Variants in CAPN14 observed in about 807,000 individuals in gnomAD.
The protein encoded by CAPN14 is calpain-14.
In CAPN14, 94 loss-of-function variants were observed where a neutral mutation model predicts 101.3. The observed-to-expected ratio is 0.93, with a 90% CI of 0.79 to 1.10. CAPN14 has a LOEUF of 1.10. Among genes scored for constraint, CAPN14 ranks in the 50% least tolerant of loss-of-function variants. The probability of loss-of-function intolerance (pLI) is 0.00; values close to 1 mark genes in which losing one functional copy is unlikely to be tolerated. For synonymous variants in CAPN14, 338 were observed against 317.9 expected, an observed-to-expected ratio of 1.06 and a Z score of -0.67; for missense variants, 837 against 828.4, an observed-to-expected ratio of 1.01 and a Z score of -0.13.
At chr2:31,209,137 C>CT (rs34521833) in intron 1 of CAPN14, among the ~76,000 whole-genome samples, 4,695 of 131,740 alleles carry the variant, frequency 0.036, 145 homozygotes, top group Non-Finnish European at 0.045. Flanking sequence ...GCGCAGCTAA[C>CT]TTTTTTTTTT....
At chr2:31,227,035 C>T (rs773962771) in intron 1 of CAPN14, among the ~76,000 whole-genome samples, 124 of 152,118 alleles carry the variant, frequency 8.2e-4, no homozygotes, top group Non-Finnish European at 1.5e-3. Flanking sequence ...TAGATGCCCA[C>T]GCTCTGGAAA....
At chr2:31,183,149 C>T (rs1266290411) in intron 16 of CAPN14, among the ~76,000 whole-genome samples, 1 of 151,716 alleles carries the variant, frequency 6.6e-6, no homozygotes, top group Admixed American at 6.6e-5. Context: ...AAAGCTGAAA[C>T]TGGATCCCTT....
chr2:31,223,682 C>T lies in CAPN14; in HGVS notation c.-53+2846G>A, dbSNP rs187307099. 2.8e-4 allele frequency among the ~76,000 whole-genome samples: 42 copies of T among 151,984 alleles called. No homozygotes were observed. The South Asian group carries it at 3.1e-3, about 11-fold the overall frequency. On this transcript the variant is annotated intron_variant and NMD_transcript_variant, in intron 2 of 21. Coordinates refer to the CAPN14 transcript ENST00000398824. Reference sequence around the variant, plus strand: ...TAGCTGGGACTACAGACGCCCACCACGACGCGTGGCTAATTTTTTGTATTT... The same window carrying T: ...TAGCTGGGACTACAGACGCCCACCATGACGCGTGGCTAATTTTTTGTATTT...
intron 1 of CAPN14, among the ~76,000 whole-genome samples, chr2:31,209,850 A>C (rs1682297322): frequency 6.6e-6 from 1 of 152,182 alleles, no homozygotes; most frequent in Non-Finnish European, 1.5e-5. Flanking sequence ...GAATGGGTAA[A>C]TGCTACAAAT....
At chr2:31,232,215 T>C (rs1683216672) in intron 1 of CAPN14, among the ~76,000 whole-genome samples, 1 of 152,198 alleles carries the variant, frequency 6.6e-6, no homozygotes, top group Non-Finnish European at 1.5e-5. Context: ...CTCCCCTAAT[T>C]AGTGGAAGAG....
intron 17 of CAPN14, among the ~76,000 whole-genome samples, chr2:31,179,064 AT>A (rs1214322492): frequency 3.2e-3 from 212 of 65,452 alleles, no homozygotes; most frequent in African/African-American, 0.027. Context: ...TGAGTTCTAT[AT>A]ATATATATAT....
intron 10 of CAPN14, 119 bp downstream of exon 10, chr2:31,193,012 G>T: frequency 9.7e-7 from 1 of 1,031,180 alleles, no homozygotes; most frequent in Non-Finnish European, 1.4e-6. Flanking sequence ...AGTGAGGCAA[G>T]CAGAGCCTCC....
chr2:31,226,370 A>T (rs558049445), intron 2 of CAPN14, among the ~76,000 whole-genome samples: 14 of 152,330 alleles, frequency 9.2e-5, no homozygotes, highest in African/African-American at 3.1e-4. Context: ...CAGGTAATTC[A>T]CATTTCTAAT....
chr2:31,217,850 T>C (rs1682719527), upstream of CAPN14, among the ~76,000 whole-genome samples: 1 of 152,036 alleles, frequency 6.6e-6, no homozygotes. Flanking sequence ...TCCCCACAAC[T>C]CCCAGGACAC....
intron 21 of CAPN14, among the ~76,000 whole-genome samples, chr2:31,176,358 A>G (rs1412573087): frequency 1.3e-5 from 2 of 152,250 alleles, no homozygotes; most frequent in Admixed American, 1.3e-4. Flanking sequence ...TATTGCAATC[A>G]GAGTTATTGG....
At chr2:31,231,270 G>C (rs1248931897) in intron 1 of CAPN14, among the ~76,000 whole-genome samples, 1 of 151,900 alleles carries the variant, frequency 6.6e-6, no homozygotes, top group Non-Finnish European at 1.5e-5. Flanking sequence ...ACCTTATTTA[G>C]ATTTTGATTT....
At chr2:31,221,939 C>G (rs777179430), upstream of CAPN14, among the ~76,000 whole-genome samples, 1 of 152,210 alleles carries the variant, frequency 6.6e-6, no homozygotes, top group Non-Finnish European at 1.5e-5. Context: ...GGGAGTTTTT[C>G]ACACACAACC....
rs1276067672 is a variant in CAPN14 at position 31,174,534 on chromosome 2, A to AGAGAAACCTTCCCAGCT, written c.*130_*146dup. The stretch of plus-strand genomic sequence containing the variant: ...GGCCATGCACGGGGAGGGCTGCAGA[A>AGAGAAACCTTCCCAGCT]GAGAAACCTTCCCAGCTGAGAAGGT... On this transcript the variant is annotated 3_prime_UTR_variant, in exon 22 of 22. Transcript: ENST00000403897. 2 of 771,336 alleles carry AGAGAAACCTTCCCAGCT rather than the reference A, an allele frequency of 2.6e-6. No homozygotes were observed. The highest frequency in any genetic ancestry group is 4.3e-6 in the Non-Finnish European group (2 of 466,178). 47.8% of individuals were successfully genotyped at this position (771,336 alleles called of 1,614,324 possible). A position where few individuals can be genotyped will look rare whatever the true frequency, so the allele number is the denominator to read the frequency against.
At chr2:31,186,650 T>G (rs540851894) in intron 15 of CAPN14, among the ~76,000 whole-genome samples, 165 bp from the exon 16 acceptor site, 4 of 152,252 alleles carry the variant, frequency 2.6e-5, no homozygotes, top group Admixed American at 2.6e-4. Context: ...AGGGCATGAC[T>G]TTCAAGAACA....
intron 2 of CAPN14, 45 bp from the exon 3 acceptor site, chr2:31,203,184 AG>A: frequency 6.7e-7 from 1 of 1,494,334 alleles, no homozygotes; most frequent in Non-Finnish European, 9.1e-7. Context: ...AGAACAAAAA[AG>A]CTCCTGGAGC....
chr2:31,199,250 GAGGGCTGCCCC>G (rs1305024722), intron 7 of CAPN14, among the ~76,000 whole-genome samples: 2 of 152,212 alleles, frequency 1.3e-5, no homozygotes, highest in Non-Finnish European at 2.9e-5. Flanking sequence ...ATGGTTGGCT[GAGGGCTGCCCC>G]AGGGGATGAG....
At chr2:31,180,552 T>C (rs973659587) in intron 17 of CAPN14, among the ~76,000 whole-genome samples, 5 of 152,222 alleles carry the variant, frequency 3.3e-5, no homozygotes, top group African/African-American at 7.2e-5. Context: ...ATGGAAAACA[T>C]AGGGCCCCAA....
chr2:31,191,470 A>T, intron 11 of CAPN14, 63 bp from the exon 12 acceptor site: 3 of 1,487,648 alleles, frequency 2.0e-6, no homozygotes, highest in Non-Finnish European at 2.7e-6. Context: ...CTCATTAAGC[A>T]GGGAATCTGG....
intron 1 of CAPN14, among the ~76,000 whole-genome samples, chr2:31,216,054 T>C (rs1189049623): frequency 6.6e-6 from 1 of 152,116 alleles, no homozygotes; most frequent in Non-Finnish European, 1.5e-5. Context: ...CATGGATAAA[T>C]ATTAATAATA....
Sources: allele counts gnomAD v4.1 joint callset (sites outside exome capture counted in the v4.1 genomes callset), GRCh38; gene constraint gnomAD v4.1.1; transcripts MANE v1.5; gene names NCBI Gene and HGNC (gene_info 2026-07-23, HGNC 2026-07-21).